The following NPSR1 variants were observed in gnomAD, a reference collection of about 807,000 sequenced individuals.
The protein encoded by NPSR1 is neuropeptide S receptor 1, also known as neuropeptide S receptor.
Under a neutral mutation model 46.9 loss-of-function variants are expected in NPSR1, and 48 were observed. The observed-to-expected ratio is 1.02, with a 90% CI of 0.81 to 1.30. The LOEUF is 1.30. Ranked by LOEUF, NPSR1 falls within the 50% of genes most tolerant of loss-of-function variation. The pLI is 0.00. For synonymous variants in NPSR1, 176 were observed against 168.1 expected (o/e 1.05, Z -0.36); for missense variants, 450 against 449.5 (o/e 1.00, Z -0.01).
At chr7:34,689,629 A>G (rs1441651435) in intron 2 of NPSR1, among the ~76,000 whole-genome samples, 5 of 147,226 alleles carry the variant, frequency 3.4e-5, no homozygotes, top group Non-Finnish European at 7.5e-5. Flanking sequence ...AAAAAAAAAA[A>G]AAAAAGAAAA....
At chr7:34,700,090 G>A (rs907167824) in intron 2 of NPSR1, among the ~76,000 whole-genome samples, 2 of 152,184 alleles carry the variant, frequency 1.3e-5, no homozygotes, top group African/African-American at 4.8e-5. Context: ...GTAAGGGAAG[G>A]AAAATAACTT....
At chr7:34,867,805 T>A (rs909203055) in intron 8 of NPSR1, among the ~76,000 whole-genome samples, 2 of 151,802 alleles carry the variant, frequency 1.3e-5, no homozygotes, top group African/African-American at 4.9e-5. Flanking sequence ...CCTTTCAGGA[T>A]AAGTCTAAAA....
chr7:34,770,093 G>A (rs1786606633), intron 2 of NPSR1, among the ~76,000 whole-genome samples: 2 of 152,142 alleles, frequency 1.3e-5, no homozygotes. Context: ...TTGAGCTCCA[G>A]GGGAAAAATA....
At chr7:34,858,604 C>T (rs1365604452) in intron 8 of NPSR1, among the ~76,000 whole-genome samples, 1 of 151,854 alleles carries the variant, frequency 6.6e-6, no homozygotes. Context: ...GTTTATTGGA[C>T]TTACAGTTCC....
chr7:34,807,670 A>G (rs1410941545), intron 3 of NPSR1, among the ~76,000 whole-genome samples: 1 of 152,178 alleles, frequency 6.6e-6, no homozygotes, highest in Admixed American at 6.5e-5. Context: ...GCATAGAATT[A>G]GATTTTAGGG....
At chr7:34,802,656 G>A (rs1370959689) in intron 3 of NPSR1, among the ~76,000 whole-genome samples, 1 of 150,298 alleles carries the variant, frequency 6.7e-6, no homozygotes, top group Non-Finnish European at 1.5e-5. Flanking sequence ...ATAGGCATGG[G>A]CAAGGACTTC....
intron 2 of NPSR1, among the ~76,000 whole-genome samples, chr7:34,746,639 A>G (rs183567450): frequency 2.3e-4 from 35 of 152,278 alleles, no homozygotes; most frequent in Admixed American, 8.5e-4. Context: ...ATAATTCTCT[A>G]TTTGGAAAAC....
rs1786964764 is a variant in NPSR1, at chr7:34,776,509, G to A, written c.281-1953G>A. On this transcript the variant is annotated intron_variant, in intron 2 of 8. Transcript: ENST00000360581. Reference sequence around the variant, plus strand: ...TTGAAATCTATTTTGCCTGATATAAGCATAACTAGCCCTGCTCTTTTGTGG... The same window carrying A: ...TTGAAATCTATTTTGCCTGATATAAACATAACTAGCCCTGCTCTTTTGTGG... 2.0e-5 allele frequency among the ~76,000 whole-genome samples: 3 copies of A among 152,044 alleles called. No individual in the cohort carries two copies. The East Asian group carries it at 5.8e-4, about 29-fold the overall frequency.
chr7:34,727,593 A>G (rs964716552), intron 2 of NPSR1, among the ~76,000 whole-genome samples: 1 of 152,246 alleles, frequency 6.6e-6, no homozygotes, highest in Non-Finnish European at 1.5e-5. Flanking sequence ...GGTGCTGATC[A>G]TGATTCTCAA....
chr7:34,682,384 C>T (rs965114783), intron 1 of NPSR1, among the ~76,000 whole-genome samples: 50 of 152,178 alleles, frequency 3.3e-4, no homozygotes, highest in African/African-American at 1.2e-3. Flanking sequence ...GCACCATCGT[C>T]CTCCCTGATA....
intron 2 of NPSR1, chr7:34,751,979 A>G (rs2128724404): frequency 1.1e-6 from 1 of 942,400 alleles, no homozygotes; most frequent in East Asian, 2.4e-5. Flanking sequence ...AAGTCTTTCT[A>G]CTGTCAGAGA....
At chr7:34,733,109 C>A (rs1443376095) in intron 2 of NPSR1, among the ~76,000 whole-genome samples, 3 of 152,106 alleles carry the variant, frequency 2.0e-5, no homozygotes, top group Admixed American at 1.3e-4. Flanking sequence ...AGAGTGTTAA[C>A]AGGTCACTGA....
At chr7:34,756,216 C>T (rs535505955) in intron 2 of NPSR1, among the ~76,000 whole-genome samples, 204 of 152,274 alleles carry the variant, frequency 1.3e-3, no homozygotes, top group African/African-American at 4.1e-3. Flanking sequence ...TAATCAAATG[C>T]TCTTGAACAT....
intron 3 of NPSR1, among the ~76,000 whole-genome samples, chr7:34,783,450 C>T (rs914744093): frequency 6.6e-6 from 1 of 152,038 alleles, no homozygotes; most frequent in Middle Eastern, 3.2e-3. Flanking sequence ...AATTACCTCC[C>T]ACTGAATTCC....
At chr7:34,703,226 G>A (rs949354824) in intron 2 of NPSR1, among the ~76,000 whole-genome samples, 25 of 152,044 alleles carry the variant, frequency 1.6e-4, no homozygotes, top group Admixed American at 1.5e-3. Context: ...AGGCGTGGTG[G>A]CGGGCGCGAT....
At chr7:34,845,862 GCTATTTT>G (rs1438097427) in intron 7 of NPSR1, among the ~76,000 whole-genome samples, 1 of 152,178 alleles carries the variant, frequency 6.6e-6, no homozygotes, top group Non-Finnish European at 1.5e-5. Flanking sequence ...AGGGATTTGT[GCTATTTT>G]CTTTTTTATT....
chr7:34,851,009 T>C (rs1423215183), downstream of NPSR1, among the ~76,000 whole-genome samples: 1 of 152,178 alleles, frequency 6.6e-6, no homozygotes, highest in African/African-American at 2.4e-5. Context: ...TTCTAGTCAA[T>C]TTCTCCTATC....
Position 34,708,200 on chromosome 7 carries a change from T to C in NPSR1, c.280+23516T>C, listed in dbSNP as rs61216783. On this transcript the variant is annotated intron_variant, in intron 2 of 8. Coordinates refer to ENST00000360581, the MANE Select transcript of NPSR1 (RefSeq NM_207172.2). Reference sequence around the variant, plus strand: ...ATAACAAATGCCTGCTAGTAACTCATGGGAACTCTCTTCCACATGCAAAGA... The same window carrying C: ...ATAACAAATGCCTGCTAGTAACTCACGGGAACTCTCTTCCACATGCAAAGA... 3.1e-3 allele frequency among the ~76,000 whole-genome samples: 474 copies of C among 152,334 alleles called. 1 individual carries two copies. Among genetic ancestry groups the C allele is most frequent in the African/African-American group, 0.011 (451 of 41,586 alleles).
In NPSR1 at chr7:34,849,879, C is replaced by G; in HGVS notation, c.*224C>G. The G allele has an allele frequency of 1.5e-6, 2 of 1,306,010 alleles. No individual in the cohort carries two copies. The highest frequency in any genetic ancestry group is 2.0e-6 in the Non-Finnish European group (2 of 1,021,066). The allele number at this position is 1,306,010 out of a possible 1,614,324, so 80.9% of individuals were successfully genotyped here. ...CAGCCAGGAAGGAAACGCCTTCCTTCCCCACCATTCCCAGCCCTCCTTCCC... is the reference window on the plus strand; with the variant it reads ...CAGCCAGGAAGGAAACGCCTTCCTTGCCCACCATTCCCAGCCCTCCTTCCC... On this transcript the variant is annotated 3_prime_UTR_variant, in exon 9 of 9. Coordinates refer to ENST00000360581, the MANE Select transcript of NPSR1 (RefSeq NM_207172.2).
Sources: allele counts gnomAD v4.1 joint callset (sites outside exome capture counted in the v4.1 genomes callset), GRCh38; gene constraint gnomAD v4.1.1; transcripts MANE v1.5; gene names NCBI Gene and HGNC (gene_info 2026-07-23, HGNC 2026-07-21).